Variants in IMMP2L observed in about 807,000 individuals in gnomAD.
IMMP2L encodes mitochondrial inner membrane protease subunit 2.
IMMP2L carries 18 observed loss-of-function variants against 19.3 expected under a neutral mutation model. The observed-to-expected ratio is 0.93, with a 90% confidence interval of 0.64 to 1.38. The LOEUF (loss-of-function observed/expected upper bound fraction) is 1.38. IMMP2L is among the 40% of genes most tolerant of loss of function. The pLI is 0.00. For synonymous variants in IMMP2L, 76 were observed against 73.0 expected (o/e 1.04, Z -0.21); for missense variants, 233 against 218.2 (o/e 1.07, Z -0.43).
chr7:111,433,971 G>T (rs1251565882), intron 3 of IMMP2L, among the ~76,000 whole-genome samples: 2 of 151,492 alleles, frequency 1.3e-5, no homozygotes, highest in African/African-American at 4.9e-5. Flanking sequence ...AAACAAAAAA[G>T]ACCCCAAATA....
intron 5 of IMMP2L, among the ~76,000 whole-genome samples, chr7:110,814,999 A>G (rs976456540): frequency 9.9e-5 from 15 of 152,006 alleles, no homozygotes; most frequent in Non-Finnish European, 5.9e-5. Flanking sequence ...ACACTGAACT[A>G]CAACGTCTTA....
chr7:110,932,202 A>C (rs1815570356), intron 4 of IMMP2L, among the ~76,000 whole-genome samples: 1 of 152,198 alleles, frequency 6.6e-6, no homozygotes, highest in Non-Finnish European at 1.5e-5. Context: ...ATCGATGTCC[A>C]CGTTGCCTAG....
At chr7:111,141,540 T>C (rs1802892400) in intron 3 of IMMP2L, among the ~76,000 whole-genome samples, 1 of 152,126 alleles carries the variant, frequency 6.6e-6, no homozygotes, top group Non-Finnish European at 1.5e-5. Context: ...CAATAATTTA[T>C]TCCCAAACTG....
At chr7:110,792,878 A>T (rs979086098) in intron 5 of IMMP2L, among the ~76,000 whole-genome samples, 2 of 151,998 alleles carry the variant, frequency 1.3e-5, no homozygotes, top group Admixed American at 6.6e-5. Context: ...TGGCAACCAT[A>T]CAATGAAATC....
At chr7:111,519,066 A>C (rs1008508836) in intron 2 of IMMP2L, among the ~76,000 whole-genome samples, 3 of 152,136 alleles carry the variant, frequency 2.0e-5, no homozygotes, top group Non-Finnish European at 4.4e-5. Context: ...AGTTGTATAG[A>C]TAAGGGCATG....
intron 4 of IMMP2L, among the ~76,000 whole-genome samples, chr7:110,890,455 CT>C (rs1327364597): frequency 1.3e-5 from 2 of 152,120 alleles, no homozygotes; most frequent in East Asian, 3.8e-4. Flanking sequence ...TTCAATCTAA[CT>C]TTTTAAAGAA....
intron 4 of IMMP2L, among the ~76,000 whole-genome samples, chr7:110,955,099 T>C (rs894363465): frequency 6.6e-6 from 1 of 152,012 alleles, no homozygotes; most frequent in Non-Finnish European, 1.5e-5. Flanking sequence ...TAATCTTAAA[T>C]ATATGTAAAG....
chr7:111,102,789 C>A (rs866073321), intron 3 of IMMP2L, among the ~76,000 whole-genome samples: 9 of 151,506 alleles, frequency 5.9e-5, no homozygotes, highest in African/African-American at 2.2e-4. Context: ...AGCTCCGAAA[C>A]CATTCTTCAC....
chr7:111,279,269 G>A (rs546921199), intron 3 of IMMP2L, among the ~76,000 whole-genome samples: 3 of 152,304 alleles, frequency 2.0e-5, no homozygotes, highest in Non-Finnish European at 4.4e-5. Context: ...AAAGCTCACT[G>A]TAATGGGTTG....
chr7:111,006,039 C>T (rs1563153057), intron 3 of IMMP2L, among the ~76,000 whole-genome samples: 1 of 152,084 alleles, frequency 6.6e-6, no homozygotes, highest in Non-Finnish European at 1.5e-5. Context: ...CAGACCTAAC[C>T]TCCTGCCAGT....
chr7:111,093,641 T>G (rs533669550), intron 3 of IMMP2L, among the ~76,000 whole-genome samples: 2 of 152,288 alleles, frequency 1.3e-5, no homozygotes, highest in South Asian at 4.1e-4. Flanking sequence ...ACATATTTTG[T>G]GGATTACAGA....
At chr7:111,339,672 C>T (rs1826817288) in intron 3 of IMMP2L, among the ~76,000 whole-genome samples, 1 of 151,912 alleles carries the variant, frequency 6.6e-6, no homozygotes, top group African/African-American at 2.4e-5. Flanking sequence ...TACAATTGAA[C>T]ATGAAACAAA....
chr7:110,933,067 G>A (rs748042948), intron 4 of IMMP2L, among the ~76,000 whole-genome samples: 3 of 152,178 alleles, frequency 2.0e-5, no homozygotes, highest in Non-Finnish European at 4.4e-5. Context: ...ATGTGGAAAC[G>A]ACAGCTATAT....
chr7:110,831,641 C>T (rs1280750306), intron 5 of IMMP2L, among the ~76,000 whole-genome samples: 1 of 152,116 alleles, frequency 6.6e-6, no homozygotes, highest in African/African-American at 2.4e-5. Flanking sequence ...TCAAAAGAGG[C>T]TGTTATGAGA....
chr7:110,749,863 T>C (rs1797616879), intron 5 of IMMP2L, among the ~76,000 whole-genome samples: 1 of 152,072 alleles, frequency 6.6e-6, no homozygotes, highest in Non-Finnish European at 1.5e-5. Context: ...AACCTGCACA[T>C]TCTGCACATG....
intron 3 of IMMP2L, among the ~76,000 whole-genome samples, chr7:111,092,956 G>A (rs1347148723): frequency 6.6e-6 from 1 of 152,108 alleles, no homozygotes; most frequent in Admixed American, 6.6e-5. Flanking sequence ...TGATTTCAGA[G>A]CTATTATTGG....
At chr7:111,353,114 G>C (rs1329895196) in intron 3 of IMMP2L, among the ~76,000 whole-genome samples, 1 of 152,140 alleles carries the variant, frequency 6.6e-6, no homozygotes, top group Non-Finnish European at 1.5e-5. Flanking sequence ...AATTCCAGAA[G>C]AAGCAGGCTG....
intron 3 of IMMP2L, among the ~76,000 whole-genome samples, chr7:111,455,171 C>T (rs1839571740): frequency 6.6e-6 from 1 of 151,632 alleles, no homozygotes; most frequent in Non-Finnish European, 1.5e-5. Flanking sequence ...TAAATTGTGT[C>T]CAGTGAAATG....
chr7:110,671,647 C>T (rs1400236566), intron 5 of IMMP2L, among the ~76,000 whole-genome samples: 1 of 152,062 alleles, frequency 6.6e-6, no homozygotes, highest in East Asian at 1.9e-4. Context: ...CTTCAGATGC[C>T]AGGGGGACAG....
Sources: gnomAD v4.1 joint callset for allele counts (sites outside exome capture counted in the v4.1 genomes callset) on GRCh38, gnomAD v4.1.1 for gene constraint, MANE v1.5 for transcripts, NCBI Gene and HGNC (gene_info 2026-07-23, HGNC 2026-07-21) for gene names.